MAP4: variants seen among roughly 807,000 people sequenced by gnomAD.
The protein encoded by MAP4 is microtubule associated protein 4, also known as microtubule-associated protein 4.
A neutral mutation model predicts 170.2 loss-of-function variants in MAP4; 76 were observed. The observed-to-expected ratio is 0.45, with a 90% CI of 0.37 to 0.54. The LOEUF is 0.54. Ranked by LOEUF, MAP4 falls within the 20% of genes least tolerant of loss-of-function variation. The pLI is 0.00. For synonymous variants in MAP4, 909 were observed against 994.5 expected (o/e 0.91, Z 1.62); for missense variants, 2,506 against 2,748.0 (o/e 0.91, Z 1.97).
intron 1 of MAP4, among the ~76,000 whole-genome samples, chr3:48,042,333 A>G (rs1468162927): frequency 6.6e-6 from 1 of 152,220 alleles, no homozygotes; most frequent in African/African-American, 2.4e-5. Flanking sequence ...ATCCCCACAC[A>G]TCTGCTTTCA....
intron 1 of MAP4, among the ~76,000 whole-genome samples, chr3:48,072,834 G>C (rs1311768953): frequency 6.6e-6 from 1 of 152,170 alleles, no homozygotes; most frequent in Non-Finnish European, 1.5e-5. Flanking sequence ...TGTAGCACCT[G>C]ACTGCAGCAT....
intron 2 of MAP4, among the ~76,000 whole-genome samples, chr3:47,997,392 A>G (rs191282768): frequency 2.4e-3 from 368 of 151,128 alleles, no homozygotes; most frequent in Non-Finnish European, 3.8e-3. Context: ...CAAAGGAAAT[A>G]TTTTTAAATA....
intron 3 of MAP4, among the ~76,000 whole-genome samples, chr3:47,958,055 C>T (rs2100068914): frequency 6.6e-6 from 1 of 152,164 alleles, no homozygotes; most frequent in African/African-American, 2.4e-5. Flanking sequence ...TGCCACTTGG[C>T]TACTTGGGAC....
At chr3:47,988,984 G>A (rs902087971) in intron 2 of MAP4, among the ~76,000 whole-genome samples, 5 of 152,156 alleles carry the variant, frequency 3.3e-5, no homozygotes, top group African/African-American at 9.6e-5. Flanking sequence ...CTAATTTTTT[G>A]TATTTTTAGT....
intron 1 of MAP4, among the ~76,000 whole-genome samples, chr3:48,064,658 T>C (rs1374596013): frequency 6.6e-6 from 1 of 152,090 alleles, no homozygotes; most frequent in African/African-American, 2.4e-5. Context: ...CACTTAACAA[T>C]GGGAATACAT....
At chr3:48,079,894 G>C (rs926543995) in intron 1 of MAP4, among the ~76,000 whole-genome samples, 2 of 151,422 alleles carry the variant, frequency 1.3e-5, no homozygotes, top group African/African-American at 4.9e-5. Context: ...AGCTTGCAGT[G>C]AGCCGAGATA....
intron 19 of MAP4, among the ~76,000 whole-genome samples, chr3:47,853,613 G>C (rs1205260153): frequency 6.6e-6 from 1 of 151,872 alleles, no homozygotes; most frequent in African/African-American, 2.4e-5. Flanking sequence ...GTGAGGCTCT[G>C]ATGAAGCCTC....
chr3:47,910,050 A>T lies in MAP4; in HGVS notation c.4371T>A (p.Phe1457Leu), dbSNP rs1426983390. The change falls in exon 9 of 21, where the codon TTT (phenylalanine) becomes TTA (leucine). Residue 1457 changes from phenylalanine to leucine, a missense_variant. Phe to Leu is a conservative substitution (Grantham distance 22). Transcript: ENST00000683076. Reference protein sequence around the residue: ...TPQVVKEGDSFPDTLAKNGQE... With the variant: ...TPQVVKEGDSLPDTLAKNGQE... ...GCCCATTTTTTGCCAAGGTATCTGG[A>T]AAGGAATCACCTTCCTTTACTACTT... The T allele has an allele frequency of 1.9e-6, 3 of 1,614,034 alleles. No individual in the cohort carries two copies. Among genetic ancestry groups the T allele is most frequent in the Non-Finnish European group, 2.5e-6 (3 of 1,179,898 alleles).
intron 1 of MAP4, among the ~76,000 whole-genome samples, chr3:48,055,177 TCTCCCTCTCCCTCTCC>T (rs1318446153): frequency 0.02 from 716 of 35,474 alleles, 11 homozygotes; most frequent in African/African-American, 0.041. Context: ...CTTTAAAAAG[TCTCCCTCTCCCTCTCC>T]CTCTCCGTCT....
chr3:47,920,693 A>T (rs948839560), intron 5 of MAP4, among the ~76,000 whole-genome samples: 1 of 151,990 alleles, frequency 6.6e-6, no homozygotes, highest in Non-Finnish European at 1.5e-5. Flanking sequence ...CTGAGACTAC[A>T]GGCATGTGCC....
intron 1 of MAP4, among the ~76,000 whole-genome samples, chr3:48,066,363 G>T (rs1361061266): frequency 6.6e-6 from 1 of 151,984 alleles, no homozygotes; most frequent in Admixed American, 6.6e-5. Flanking sequence ...GATGGTCCTT[G>T]TTCTTTTGTC....
chr3:47,939,561 A>G (rs771655252), intron 3 of MAP4, among the ~76,000 whole-genome samples: 1 of 152,188 alleles, frequency 6.6e-6, no homozygotes, highest in East Asian at 1.9e-4. Flanking sequence ...TATAAAGAGC[A>G]TAAGGTTGGT....
chr3:47,966,613 T>C (rs1374807104), intron 3 of MAP4, among the ~76,000 whole-genome samples: 3 of 152,090 alleles, frequency 2.0e-5, no homozygotes, highest in Non-Finnish European at 4.4e-5. Flanking sequence ...ACTCCTTGCC[T>C]CAAGCAATCC....
chr3:47,897,404 G>A (rs750783037), intron 10 of MAP4, among the ~76,000 whole-genome samples: 2 of 152,160 alleles, frequency 1.3e-5, no homozygotes, highest in African/African-American at 2.4e-5. Context: ...TGGGATTACA[G>A]CTGTGGGCAT....
chr3:48,048,096 T>C (rs79311901), intron 1 of MAP4, among the ~76,000 whole-genome samples: 2 of 152,082 alleles, frequency 1.3e-5, no homozygotes, highest in African/African-American at 4.8e-5. Context: ...GCAATGTATC[T>C]AGACTCCCAT....
chr3:48,003,819 C>T (rs2100100665), intron 1 of MAP4, among the ~76,000 whole-genome samples: 1 of 152,040 alleles, frequency 6.6e-6, no homozygotes, highest in African/African-American at 2.4e-5. Flanking sequence ...CAGACACACC[C>T]TTAATTGGGT....
At chr3:47,986,171 G>C (rs1170708192) in intron 2 of MAP4, among the ~76,000 whole-genome samples, 2 of 152,120 alleles carry the variant, frequency 1.3e-5, no homozygotes, top group African/African-American at 4.8e-5. Context: ...GGTCTTTGGG[G>C]TCTTGCTATG....
intron 2 of MAP4, among the ~76,000 whole-genome samples, chr3:47,989,927 A>G (rs1204820713): frequency 6.6e-6 from 1 of 152,040 alleles, no homozygotes; most frequent in Non-Finnish European, 1.5e-5. Flanking sequence ...AACTAATCAC[A>G]TTCTCTGAGA....
chr3:48,048,495 A>C (rs2100125722), intron 1 of MAP4, among the ~76,000 whole-genome samples: 1 of 144,118 alleles, frequency 6.9e-6, no homozygotes, highest in African/African-American at 2.6e-5. Context: ...GTAGATCCAG[A>C]TCTCAATTAT....
Sources: gnomAD v4.1 joint callset for allele counts (sites outside exome capture counted in the v4.1 genomes callset) on GRCh38, gnomAD v4.1.1 for gene constraint, MANE v1.5 for transcripts, NCBI Gene and HGNC (gene_info 2026-07-23, HGNC 2026-07-21) for gene names.